Variants in TSC2 observed in about 807,000 individuals in gnomAD.
TSC2 encodes tuberin.
TSC2 carries 29 observed loss-of-function variants against 202.2 expected under a neutral mutation model. That is an observed-to-expected ratio of 0.14 (90% CI 0.11 to 0.20). The LOEUF (loss-of-function observed/expected upper bound fraction) is 0.20. Ranked by LOEUF, TSC2 falls within the 10% of genes least tolerant of loss-of-function variation. TSC2 has a pLI of 1.00. For missense variants in TSC2, 2,429 were observed against 2,420.0 expected (o/e 1.00, Z -0.08); for synonymous variants, 1,349 against 1,044.0 (o/e 1.29, Z -5.63).
intron 7 of TSC2, 93 bp downstream of exon 7, chr16:2,056,337 C>T: frequency 6.5e-7 from 1 of 1,540,330 alleles, no homozygotes; most frequent in Non-Finnish European, 8.9e-7. Context: ...CACCTGCTGG[C>T]TGTGTAGCCC....
chr16:2,073,462 G>A (rs1257185641), intron 21 of TSC2, among the ~76,000 whole-genome samples: 9 of 152,252 alleles, frequency 5.9e-5, no homozygotes, highest in African/African-American at 2.2e-4. Context: ...CCTCCGGGAC[G>A]AGGAGCTGGT....
intron 3 of TSC2, among the ~76,000 whole-genome samples, chr16:2,050,741 G>A (rs557861937): frequency 8.1e-4 from 123 of 151,590 alleles, no homozygotes; most frequent in African/African-American, 2.8e-3. Flanking sequence ...ACAGGCACGC[G>A]CCACCACACC....
chr16:2,074,712 G>A (rs1400223393), intron 22 of TSC2: 2 of 433,906 alleles, frequency 4.6e-6, no homozygotes, highest in East Asian at 4.6e-5. Flanking sequence ...GGCTTTGTTC[G>A]CTTCCCCCAG....
At position 2,071,568 on chromosome 16, in the gene TSC2, A is replaced by G. The variant is rs1184287685; in HGVS notation, c.1898A>G (p.Asn633Ser). The G allele has an allele frequency of 1.9e-6, 3 of 1,613,418 alleles. No individual in the cohort carries two copies. The highest frequency in any genetic ancestry group is 3.3e-5 in the Admixed American group (2 of 60,002). ...ADSLHRLGLPNKDGVVRFSPY... is the reference protein window; with the variant it reads ...ADSLHRLGLPSKDGVVRFSPY... Reference sequence around the variant, plus strand: ...TCACTGCACCGCCTGGGCCTGCCCAACAAGGATGGAGTCGTGCGGTTCAGC... The same window carrying G: ...TCACTGCACCGCCTGGGCCTGCCCAGCAAGGATGGAGTCGTGCGGTTCAGC... The change falls in exon 18 of 42, where the codon AAC becomes AGC. Residue 633 changes from asparagine to serine, a missense_variant. Transcript: ENST00000219476.
intron 36 of TSC2, among the ~76,000 whole-genome samples, chr16:2,085,838 C>T (rs1038869600): frequency 7.9e-5 from 12 of 152,182 alleles, no homozygotes; most frequent in Admixed American, 3.3e-4. Flanking sequence ...GGCCTGACTC[C>T]GCCCAGTCTC....
intron 16 of TSC2, 92 bp downstream of exon 16, chr16:2,065,727 C>A (rs1027469231): frequency 2.6e-6 from 3 of 1,151,368 alleles, no homozygotes; most frequent in Non-Finnish European, 3.9e-6. Flanking sequence ...TGTTCCCCAG[C>A]GGGACCCACA....
At chr16:2,061,303 G>T (rs1022166729) in intron 11 of TSC2, 10 of 288,802 alleles carry the variant, frequency 3.5e-5, no homozygotes, top group African/African-American at 2.2e-4. Flanking sequence ...TGGAGCCTGG[G>T]GCGGGTGATG....
intron 16 of TSC2, among the ~76,000 whole-genome samples, chr16:2,067,068 A>G (rs951938652): frequency 6.6e-6 from 1 of 152,120 alleles, no homozygotes; most frequent in African/African-American, 2.4e-5. Flanking sequence ...CTCATCCTTA[A>G]GATGTTGGAT....
At chr16:2,054,185 A>AG in intron 4 of TSC2, 111 bp from the exon 5 acceptor site, 1 of 1,545,702 alleles carries the variant, frequency 6.5e-7, no homozygotes, top group South Asian at 1.1e-5. Context: ...CTCTGTGGGA[A>AG]GGAGAGGGGT....
At chr16:2,064,522 C>G (rs554428299) in intron 15 of TSC2, 95 bp downstream of exon 15, 2 of 1,581,892 alleles carry the variant, frequency 1.3e-6, no homozygotes, top group African/African-American at 1.3e-5. Context: ...TTCGAGTGAC[C>G]GGATGGCTGT....
At chr16:2,056,163 T>A in intron 6 of TSC2, 33 bp from the exon 7 acceptor site, 1 of 1,613,048 alleles carries the variant, frequency 6.2e-7, no homozygotes, top group South Asian at 1.1e-5. Context: ...ATCCAGGCAG[T>A]GCTGCCGGGA....
At chr16:2,053,157 C>T (rs769048338) in intron 3 of TSC2, among the ~76,000 whole-genome samples, 185 bp from the exon 4 acceptor site, 25 of 152,200 alleles carry the variant, frequency 1.6e-4, no homozygotes, top group Non-Finnish European at 3.2e-4. Context: ...GAGCCGTTCC[C>T]TGTACGAAGC....
rs45517328 is a variant in TSC2 at position 2,084,327 on chromosome 16, C to A, written c.4105C>A (p.Arg1369=). ...IERVVSSEGG[R]PSVDLSFQPS... ...GCGAGTCGTCTCCTCGGAGGGTGGC[C>A]GGCCCTCTGTGGACCTCTCCTTCCA... The change falls in exon 34 of 42, where the codon CGG becomes AGG. Residue 1369 remains arginine, a synonymous_variant. Coordinates refer to ENST00000219476, the MANE Select transcript of TSC2 (RefSeq NM_000548.5). The A allele has an allele frequency of 9.9e-6, 16 of 1,612,718 alleles. No homozygotes were observed. The highest frequency in any genetic ancestry group is 1.4e-5 in the Non-Finnish European group (16 of 1,179,982).
Position 2,056,632 on chromosome 16 carries a change from C to G in TSC2, c.649-12C>G. On this transcript the variant is annotated splice_polypyrimidine_tract_variant and intron_variant, in intron 7 of 41. Coordinates refer to ENST00000219476, the MANE Select transcript of TSC2 (RefSeq NM_000548.5). ...GGGTAGGACGGGCGTGAGCCGTCTC[C>G]CTCTCCACCAGGTCTCCCTGCAGGT... The G allele has an allele frequency of 6.2e-7, 1 of 1,608,910 alleles. No individual in the cohort carries two copies. Among genetic ancestry groups the G allele is most frequent in the Non-Finnish European group, 8.5e-7 (1 of 1,179,914 alleles).
At chr16:2,069,653 T>TG (rs1491095870) in intron 16 of TSC2, among the ~76,000 whole-genome samples, 1 of 152,158 alleles carries the variant, frequency 6.6e-6, no homozygotes, top group African/African-American at 2.4e-5. Flanking sequence ...CTAATTTTTT[T>TG]GTGTTTTTAG....
At chr16:2,076,221 T>C (rs769888119) in intron 24 of TSC2, 51 bp downstream of exon 24, 1 of 1,610,780 alleles carries the variant, frequency 6.2e-7, no homozygotes, top group South Asian at 1.1e-5. Context: ...CAGGGCTTGC[T>C]TTGCCCTTGG....
chr16:2,048,866 A>T, intron 2 of TSC2, 113 bp downstream of exon 2: 16 of 1,474,978 alleles, frequency 1.1e-5, no homozygotes, highest in Non-Finnish European at 1.4e-5. Context: ...TCTACACAGG[A>T]ATGCTGTCTC....
rs766382381 is a variant in TSC2 at position 2,072,955 on chromosome 16, A to G, written c.2327A>G (p.Tyr776Cys). 7 of 1,613,560 alleles carry G rather than the reference A, an allele frequency of 4.3e-6. No homozygotes were observed. The South Asian group carries it at 7.7e-5, about 18-fold the overall frequency. Reference protein sequence around the residue: ...VVPVLTALISYHNYLDKTKQR... With the variant: ...VVPVLTALISCHNYLDKTKQR... Reference sequence around the variant, plus strand: ...CCAGTGCTGACAGCATTAATCTCTTACCATAACTACCTGGACAAAACCAAA... The same window carrying G: ...CCAGTGCTGACAGCATTAATCTCTTGCCATAACTACCTGGACAAAACCAAA... Residue 776 changes from tyrosine to cysteine, a missense_variant, in exon 21 of 42, where the codon TAC becomes TGC. Physicochemically the swap from Tyr to Cys is radical, Grantham distance 194. Coordinates refer to ENST00000219476, the MANE Select transcript of TSC2 (RefSeq NM_000548.5).
At chr16:2,082,319 C>G (rs2090240401) in intron 31 of TSC2, 117 bp from the exon 32 acceptor site, 2 of 1,257,030 alleles carry the variant, frequency 1.6e-6, no homozygotes, top group Admixed American at 1.7e-5. Context: ...GTGCGCGCCC[C>G]TGCCGGCCGC....
Sources: allele counts gnomAD v4.1 joint callset (sites outside exome capture counted in the v4.1 genomes callset), GRCh38; gene constraint gnomAD v4.1.1; transcripts MANE v1.5; gene names NCBI Gene and HGNC (gene_info 2026-07-23, HGNC 2026-07-21).